Variants in CHRM3 observed in about 807,000 individuals in gnomAD.
CHRM3 encodes cholinergic receptor muscarinic 3.
CHRM3 carries 11 observed loss-of-function variants against 41.8 expected under a neutral mutation model. The ratio of observed to expected loss-of-function variants is 0.26; its 90% confidence interval spans 0.17 to 0.44. CHRM3 has a LOEUF of 0.44. Among genes scored for constraint, CHRM3 ranks in the 20% least tolerant of loss-of-function variants. The pLI is 1.00. For missense variants in CHRM3, 571 were observed against 745.4 expected (o/e 0.77, Z 2.72); for synonymous variants, 297 against 301.4 (o/e 0.99, Z 0.15).
intron 5 of CHRM3, among the ~76,000 whole-genome samples, chr1:239,683,515 C>T (rs1658772628): frequency 6.6e-6 from 1 of 152,150 alleles, no homozygotes; most frequent in Non-Finnish European, 1.5e-5. Flanking sequence ...CTTTTCTTTT[C>T]ACCATTATTT....
At chr1:239,557,707 G>C (rs1558317294) in intron 3 of CHRM3, among the ~76,000 whole-genome samples, 1 of 152,080 alleles carries the variant, frequency 6.6e-6, no homozygotes, top group Non-Finnish European at 1.5e-5. Context: ...TCATTGTTCA[G>C]CTCCCACTTA....
At chr1:239,691,156 C>T (rs1265557755) in intron 5 of CHRM3, among the ~76,000 whole-genome samples, 2 of 151,978 alleles carry the variant, frequency 1.3e-5, no homozygotes, top group African/African-American at 4.8e-5. Flanking sequence ...CACCAGACCC[C>T]CATGGTCACA....
chr1:239,499,108 T>A (rs542637080), intron 2 of CHRM3, among the ~76,000 whole-genome samples: 1 of 152,144 alleles, frequency 6.6e-6, no homozygotes, highest in Non-Finnish European at 1.5e-5. Context: ...AAGGTAGAAG[T>A]GCGTATTGGT....
At chr1:239,538,423 C>G (rs1658417881) in intron 2 of CHRM3, among the ~76,000 whole-genome samples, 2 of 152,206 alleles carry the variant, frequency 1.3e-5, no homozygotes, top group South Asian at 4.1e-4. Context: ...AGCTTGACCA[C>G]TTCTGCTCTA....
At chr1:239,615,381 G>A (rs1236867521) in intron 3 of CHRM3, among the ~76,000 whole-genome samples, 4 of 152,070 alleles carry the variant, frequency 2.6e-5, no homozygotes, top group African/African-American at 4.8e-5. Flanking sequence ...AACTCCTTCC[G>A]TTGTACAGCC....
chr1:239,497,981 C>A (rs1386740973), intron 2 of CHRM3, among the ~76,000 whole-genome samples: 2 of 152,082 alleles, frequency 1.3e-5, no homozygotes, highest in Non-Finnish European at 2.9e-5. Context: ...CCAATATAAA[C>A]CCTTAAAATA....
rs1180314798 is a variant in CHRM3, at chr1:239,911,214, A to G, written c.*1990A>G. On this transcript the variant is annotated 3_prime_UTR_variant, in exon 7 of 7. Transcript: ENST00000676153. ...TTTAGTTAAATCTGATGGGAACTGA[A>G]CAAAGCTCCACCATTGTGTCTGAAA... is the stretch of plus-strand genomic sequence containing the variant. 6.0e-6 allele frequency: 1 copy of G among 167,064 alleles called. No individual in the cohort carries two copies. The highest frequency in any genetic ancestry group is 1.5e-5 in the Non-Finnish European group (1 of 68,112). The allele number at this position is 167,064 out of a possible 1,614,324, so 10.3% of individuals were successfully genotyped here. A position where few individuals can be genotyped will look rare whatever the true frequency, so the allele number is the denominator to read the frequency against.
chr1:239,872,787 A>G (rs939055777), intron 6 of CHRM3, among the ~76,000 whole-genome samples: 3 of 152,198 alleles, frequency 2.0e-5, no homozygotes, highest in Non-Finnish European at 4.4e-5. Context: ...CAAGTAATAT[A>G]CATGCTGTGA....
At chr1:239,885,149 T>C (rs1677963449) in intron 6 of CHRM3, among the ~76,000 whole-genome samples, 2 of 152,216 alleles carry the variant, frequency 1.3e-5, no homozygotes, top group Admixed American at 6.5e-5. Flanking sequence ...TTGATATCCT[T>C]GACCTGAACT....
chr1:239,509,435 A>C (rs564532159), intron 2 of CHRM3, among the ~76,000 whole-genome samples: 1 of 152,318 alleles, frequency 6.6e-6, no homozygotes, highest in South Asian at 2.1e-4. Context: ...GCATCCATGC[A>C]TGTGACTCCA....
At chr1:239,652,113 T>G (rs1468596023) in intron 4 of CHRM3, among the ~76,000 whole-genome samples, 1 of 152,178 alleles carries the variant, frequency 6.6e-6, no homozygotes, top group African/African-American at 2.4e-5. Context: ...ACTCTGTCTT[T>G]GTTCAAGGCT....
intron 6 of CHRM3, among the ~76,000 whole-genome samples, chr1:239,881,872 A>G (rs180671567): frequency 6.6e-6 from 1 of 151,760 alleles, no homozygotes; most frequent in African/African-American, 2.4e-5. Context: ...CTACAGATTT[A>G]CAACTGGAGG....
intron 3 of CHRM3, among the ~76,000 whole-genome samples, chr1:239,552,833 A>G (rs1366941978): frequency 6.6e-6 from 1 of 151,886 alleles, no homozygotes; most frequent in African/African-American, 2.4e-5. Context: ...AATACCTGAC[A>G]AAATACCTGC....
chr1:239,699,158 GT>G (rs2148069480), intron 5 of CHRM3, among the ~76,000 whole-genome samples: 1 of 151,760 alleles, frequency 6.6e-6, no homozygotes, highest in South Asian at 2.1e-4. Flanking sequence ...CTTATTTCAT[GT>G]ATTAAAAGTA....
chr1:239,777,681 A>G (rs748414795), intron 5 of CHRM3, among the ~76,000 whole-genome samples: 2 of 152,190 alleles, frequency 1.3e-5, no homozygotes, highest in Non-Finnish European at 2.9e-5. Context: ...TTGTCAGCCT[A>G]TAGGCTGACC....
intron 3 of CHRM3, among the ~76,000 whole-genome samples, chr1:239,585,641 CT>C (rs983433531): frequency 3.3e-5 from 5 of 152,266 alleles, no homozygotes; most frequent in African/African-American, 1.2e-4. Flanking sequence ...GGAATAAATG[CT>C]TGGCAGGTAT....
chr1:239,861,783 T>C (rs567056830), intron 6 of CHRM3, among the ~76,000 whole-genome samples: 3 of 152,250 alleles, frequency 2.0e-5, no homozygotes, highest in African/African-American at 7.2e-5. Context: ...AGGGTTCCAT[T>C]TTGTTTTAGT....
At position 239,915,352 on chromosome 1, in the gene CHRM3, G is replaced by A. The variant is rs1680588682; in HGVS notation, c.*6128G>A. ...ATTTTTAATCTTGAAAAAGTCAATC[G>A]TCTGTAGTCTGTACTATAAAATGAT... On this transcript the variant is annotated 3_prime_UTR_variant, in exon 7 of 7. Coordinates refer to ENST00000676153, the MANE Select transcript of CHRM3 (RefSeq NM_001375978.1). The A allele has an allele frequency of 1.2e-5, 2 of 166,878 alleles. No individual in the cohort carries two copies. The highest frequency in any genetic ancestry group is 4.8e-5 in the African/African-American group (2 of 41,388). 10.3% of individuals were successfully genotyped at this position (166,878 alleles called of 1,614,324 possible).
chr1:239,426,154 TC>T (rs1662364688), intron 1 of CHRM3, among the ~76,000 whole-genome samples: 1 of 20,850 alleles, frequency 4.8e-5, no homozygotes, highest in Non-Finnish European at 9.0e-5. Flanking sequence ...CCCTCCCCCC[TC>T]CCCCCACCCC....
Sources: gnomAD v4.1 joint callset for allele counts (sites outside exome capture counted in the v4.1 genomes callset) on GRCh38, gnomAD v4.1.1 for gene constraint, MANE v1.5 for transcripts, NCBI Gene and HGNC (gene_info 2026-07-23, HGNC 2026-07-21) for gene names.